Variants in ING3 observed in about 807,000 individuals in gnomAD.
The protein encoded by ING3 is inhibitor of growth protein 3.
A neutral mutation model predicts 64.8 loss-of-function variants in ING3; 6 were observed. That is an observed-to-expected ratio of 0.09 (90% CI 0.05 to 0.18). ING3 has a LOEUF of 0.18. Among genes scored for constraint, ING3 ranks in the 10% least tolerant of loss-of-function variants. The probability of loss-of-function intolerance (pLI) is 1.00; values close to 1 mark genes in which losing one functional copy is unlikely to be tolerated. For missense variants in ING3, 310 were observed against 489.7 expected (o/e 0.63, Z 3.46); for synonymous variants, 170 against 173.7 (o/e 0.98, Z 0.17).
chr7:120,969,007 T>A lies in ING3; in HGVS notation c.715-4T>A, dbSNP rs548297398. 1.3e-5 allele frequency: 20 copies of A among 1,598,490 alleles called. 1 individual carries two copies. In the South Asian group the frequency reaches 2.2e-4, roughly 18 times the overall value. ...TTGATGCTATCAATGAATGTCTATT[T>A]AAGATGAAGGAGGGACGAAGAACAT... On this transcript the variant is annotated splice_polypyrimidine_tract_variant and splice_region_variant and intron_variant, in intron 8 of 11. Transcript: ENST00000315870.
chr7:120,969,279 C>T, intron 9 of ING3, 75 bp downstream of exon 9: 1 of 1,184,140 alleles, frequency 8.4e-7, no homozygotes, highest in South Asian at 1.5e-5. Context: ...CCAGGCCTCT[C>T]TATGTTAAAG....
intron 10 of ING3, 124 bp downstream of exon 10, chr7:120,971,004 C>A: frequency 9.7e-7 from 1 of 1,028,676 alleles, no homozygotes; most frequent in Non-Finnish European, 1.4e-6. Context: ...ATACTTTTCT[C>A]CCCCTTCTTA....
At chr7:120,955,337 C>G (rs1201170019) in intron 3 of ING3, among the ~76,000 whole-genome samples, 1 of 152,096 alleles carries the variant, frequency 6.6e-6, no homozygotes, top group Non-Finnish European at 1.5e-5. Flanking sequence ...TCATGTTGGC[C>G]AGGCTGGTCC....
rs200011060 is a variant in ING3, at chr7:120,969,141, T to C, written c.845T>C (p.Met282Thr). The C allele has an allele frequency of 5.1e-5, 82 of 1,613,990 alleles. No homozygotes were observed. Among genetic ancestry groups the C allele is most frequent in the Non-Finnish European group, 6.4e-5 (76 of 1,179,994 alleles). Reference protein sequence around the residue: ...TVGYSSSSALMTTLTQNASSS... With the variant: ...TVGYSSSSALTTTLTQNASSS... ...GGCTATTCATCATCTTCGGCACTTA[T>C]GACAACATTAACACAGAATGCCAGT... The change falls in exon 9 of 12, where the codon ATG becomes ACG. Residue 282 changes from methionine to threonine, a missense_variant. By Grantham distance (81) the Met-to-Thr change is moderately conservative (BLOSUM62 -1). Transcript: ENST00000315870.
Position 120,950,858 on chromosome 7 carries a change from C to T in ING3, c.-39C>T, listed in dbSNP as rs1423198459. 1.3e-6 allele frequency: 2 copies of T among 1,563,538 alleles called. No individual in the cohort carries two copies. Among genetic ancestry groups the T allele is most frequent in the Non-Finnish European group, 1.7e-6 (2 of 1,149,180 alleles). ...GGCGACAGCGAGTGACACAAATAAA[C>T]CCCTGGACCCCCTTGTTCCCTCAGC... On this transcript the variant is annotated 5_prime_UTR_variant, in exon 1 of 12. Transcript: ENST00000315870.
At position 120,973,250 on chromosome 7, in the gene ING3, A is replaced by G. The variant is rs756985348; in HGVS notation, c.1140+7A>G. The G allele has an allele frequency of 6.6e-7, 1 of 1,515,984 alleles. No individual in the cohort carries two copies. Among genetic ancestry groups the G allele is most frequent in the Non-Finnish European group, 9.1e-7 (1 of 1,095,722 alleles). 93.9% of individuals were successfully genotyped at this position (1,515,984 alleles called of 1,614,324 possible). ...GGGATGTGATAACCAAGATGTAAGT[A>G]TTACATTTTTCTATTTAGGAATGAA... On this transcript the variant is annotated splice_region_variant and intron_variant, in intron 11 of 11. Transcript: ENST00000315870.
Position 120,960,345 on chromosome 7 carries a change from C to T in ING3, c.268-4397C>T, listed in dbSNP as rs539034393. ...GAGGAGAGTGATTCTTAGTCTAAAG[C>T]GGTGGGAAGCCAGTGAAGGACTTTA... On this transcript the variant is annotated intron_variant, in intron 4 of 11. Transcript: ENST00000315870. Among the ~76,000 whole-genome samples, 10 of 152,194 alleles carry T rather than the reference C, an allele frequency of 6.6e-5. No homozygotes were observed. The South Asian group carries it at 2.1e-3, about 32-fold the overall frequency.
At chr7:120,965,399 ACTTCTTTGGT>A (rs1795984820) in intron 5 of ING3, among the ~76,000 whole-genome samples, 1 of 152,120 alleles carries the variant, frequency 6.6e-6, no homozygotes, top group Non-Finnish European at 1.5e-5. Flanking sequence ...TACCCCTGTC[ACTTCTTTGGT>A]GTGACTTCCC....
intron 6 of ING3, among the ~76,000 whole-genome samples, chr7:120,967,244 T>C (rs1254648747): frequency 6.6e-6 from 1 of 152,214 alleles, no homozygotes; most frequent in Non-Finnish European, 1.5e-5. Context: ...AGTGGTAGAT[T>C]GTGTTTTGAA....
At position 120,955,655 on chromosome 7, in the gene ING3, T is replaced by A. The variant is rs376663786; in HGVS notation, c.267+31T>A. 48 of 1,400,402 alleles carry A rather than the reference T, an allele frequency of 3.4e-5. No individual in the cohort carries two copies. The African/African-American group carries it at 6.1e-4, about 18-fold the overall frequency. 86.7% of individuals were successfully genotyped at this position (1,400,402 alleles called of 1,614,324 possible). A position where few individuals can be genotyped will look rare whatever the true frequency, so the allele number is the denominator to read the frequency against. On this transcript the variant is annotated intron_variant, in intron 4 of 11. Coordinates refer to ENST00000315870, the MANE Select transcript of ING3 (RefSeq NM_019071.3). ...TAAAAGTAATGTGCATACTGTGCCA[T>A]AAGTACTTGAATAACAGATTATATC... is the stretch of plus-strand genomic sequence containing the variant.
intron 4 of ING3, among the ~76,000 whole-genome samples, chr7:120,962,272 A>G (rs978443323): frequency 1.3e-5 from 2 of 152,174 alleles, no homozygotes; most frequent in East Asian, 1.9e-4. Context: ...TGCTTATAAT[A>G]TTAATCAGGT....
In ING3 at chr7:120,967,638, A is replaced by G; in HGVS notation, c.546A>G (p.Glu182=). Residue 182 remains glutamate (E), a synonymous_variant, in exon 7 of 12, where the codon GAA becomes GAG. Transcript: ENST00000315870. ...LSTLTSDASK[E]NTLGCRNNNS... is the part of the protein sequence containing the mutation. ...CCCTTACGTCAGATGCCTCTAAGGA[A>G]AATACACTAGGTAAGTTAATTTTCT... 3.1e-6 allele frequency: 5 copies of G among 1,590,282 alleles called. No individual in the cohort carries two copies. The highest frequency in any genetic ancestry group is 4.3e-6 in the Non-Finnish European group (5 of 1,172,498).
chr7:120,961,317 A>G (rs2116668646), intron 4 of ING3, among the ~76,000 whole-genome samples: 1 of 152,242 alleles, frequency 6.6e-6, no homozygotes, highest in East Asian at 1.9e-4. Flanking sequence ...CTTCTTCCCC[A>G]ATTTACCCTC....
At chr7:120,951,256 C>T (rs754081978) in intron 2 of ING3, 21 bp downstream of exon 2, 4 of 1,611,704 alleles carry the variant, frequency 2.5e-6, no homozygotes, top group African/African-American at 2.7e-5. Context: ...GCGTCTACTA[C>T]TCCTGTTCGC....
At chr7:120,957,592 T>C (rs1562973389) in intron 4 of ING3, among the ~76,000 whole-genome samples, 1 of 152,154 alleles carries the variant, frequency 6.6e-6, no homozygotes, top group African/African-American at 2.4e-5. Flanking sequence ...AGGAAGAGTT[T>C]TGAACAGAGT....
intron 5 of ING3, among the ~76,000 whole-genome samples, chr7:120,966,229 C>T (rs1795995453): frequency 6.6e-6 from 1 of 152,058 alleles, no homozygotes; most frequent in Non-Finnish European, 1.5e-5. Context: ...TAATGTCCCC[C>T]ATCACGTAGA....
intron 4 of ING3, chr7:120,957,027 A>G (rs1379967736): frequency 3.6e-6 from 1 of 275,148 alleles, no homozygotes; most frequent in Admixed American, 6.5e-5. Context: ...CTGTTCATCC[A>G]CTCTGTGCCT....
In ING3 at chr7:120,950,947, G is replaced by A. The variant is rs200416686; in HGVS notation, c.28+23G>A. On this transcript the variant is annotated intron_variant, in intron 1 of 11. Transcript: ENST00000315870. ...AAAGTGAGTGCGCGGCGCTGGCGGC[G>A]GCCGCCAGTGGGACGTGCGGGCGGG... 1.6e-3 allele frequency: 2,529 copies of A among 1,612,624 alleles called. 7 individuals are homozygous for A. Among genetic ancestry groups the A allele is most frequent in the Admixed American group, 4.0e-3 (237 of 59,978 alleles).
chr7:120,962,767 G>A (rs1795949313), intron 4 of ING3, among the ~76,000 whole-genome samples: 1 of 151,698 alleles, frequency 6.6e-6, no homozygotes, highest in Non-Finnish European at 1.5e-5. Context: ...CATCTTCACC[G>A]TCTTAATTCG....
Sources: gnomAD v4.1 joint callset for allele counts (sites outside exome capture counted in the v4.1 genomes callset) on GRCh38, gnomAD v4.1.1 for gene constraint, MANE v1.5 for transcripts, NCBI Gene and HGNC (gene_info 2026-07-23, HGNC 2026-07-21) for gene names.